Variants in NAV1 observed in about 807,000 individuals in gnomAD.
NAV1 encodes the protein neuron navigator 1.
NAV1 carries 18 observed loss-of-function variants against 175.2 expected under a neutral mutation model. The ratio of observed to expected loss-of-function variants is 0.10; its 90% CI spans 0.07 to 0.15. The LOEUF is 0.15. NAV1 is among the 10% of genes least tolerant of loss of function. The pLI is 1.00. For missense variants in NAV1, 1,731 were observed against 2,436.6 expected, an observed-to-expected ratio of 0.71 and a Z score of 6.10; for synonymous variants, 897 against 978.7, an observed-to-expected ratio of 0.92 and a Z score of 1.56.
At chr1:201,776,335 CAAAAAAAA>C (rs71138352) in intron 3 of NAV1, among the ~76,000 whole-genome samples, 57 of 71,896 alleles carry the variant, frequency 7.9e-4, no homozygotes, top group East Asian at 1.3e-3. Flanking sequence ...CCTGACTCTA[CAAAAAAAA>C]AAAAAAAAAA....
chr1:201,782,236 A>G lies in NAV1; in HGVS notation c.1724A>G (p.Gln575Arg). The G allele has an allele frequency of 6.2e-7, 1 of 1,613,908 alleles. No homozygotes were observed. Reference sequence around the variant, plus strand: ...CTTGCAGTGAAGAATACTGGGCTCCAACGCTCCTCCTCTGATGCTGGTCGG... The same window carrying G: ...CTTGCAGTGAAGAATACTGGGCTCCGACGCTCCTCCTCTGATGCTGGTCGG... Residue 575 changes from glutamine (Q) to arginine (R), a missense_variant, in exon 6 of 30, where the codon CAA (glutamine) becomes CGA (arginine). Gln to Arg is a conservative substitution (Grantham distance 43). Around this residue, in one of 13 missense-constraint regions of NAV1, gnomAD observed 634 missense variants for 766.8 expected, o/e 0.83. Transcript: ENST00000367296. This position sits in a 1 kb window ranked among gnomAD's most constrained non-coding sequence, Gnocchi z 5.4.
chr1:201,811,696 A>T (rs1285069298), exon 25 of NAV1: 1 of 1,613,246 alleles, frequency 6.2e-7, no homozygotes, highest in African/African-American at 1.3e-5. Context: ...GGATGACCTG[A>T]GTGAAGCAGG....
intron 1 of NAV1, among the ~76,000 whole-genome samples, chr1:201,624,075 G>T (rs998802700): frequency 5.9e-5 from 9 of 152,194 alleles, no homozygotes; most frequent in Non-Finnish European, 1.0e-4. Flanking sequence ...TACACTGCTT[G>T]TTGCACTCAT....
At chr1:201,693,888 A>G (rs944126043) in intron 1 of NAV1, among the ~76,000 whole-genome samples, 3 of 152,168 alleles carry the variant, frequency 2.0e-5, no homozygotes, top group Admixed American at 6.5e-5. Context: ...CAGAGACTCA[A>G]GTTTGCATGG....
intron 14 of NAV1, 73 bp from the exon 19 acceptor site, chr1:201,794,393 G>T: frequency 7.3e-7 from 1 of 1,373,996 alleles, no homozygotes; most frequent in African/African-American, 1.4e-5. Flanking sequence ...CGCCCACCTC[G>T]GCCTCCCAAA....
intron 1 of NAV1, among the ~76,000 whole-genome samples, chr1:201,678,210 A>G (rs1430171680): frequency 1.3e-5 from 2 of 152,204 alleles, no homozygotes; most frequent in African/African-American, 4.8e-5. Flanking sequence ...TTATGAACTG[A>G]CTTGGCAGTG....
upstream of NAV1, among the ~76,000 whole-genome samples, chr1:201,645,690 T>TCACAATGAAAATATA (rs1668953501): frequency 6.6e-6 from 1 of 151,548 alleles, no homozygotes; most frequent in African/African-American, 2.4e-5. Flanking sequence ...GTGGAATGTG[T>TCACAATGAAAATATA]CACAGTGAAA....
intron 3 of NAV1, among the ~76,000 whole-genome samples, chr1:201,759,573 G>A (rs1674715665): frequency 6.6e-6 from 1 of 152,288 alleles, no homozygotes; most frequent in East Asian, 1.9e-4. Context: ...TTTCATGCAG[G>A]ACACTGCTGC....
In NAV1 at chr1:201,641,285, CG is replaced by C. The variant is rs1668745722; in HGVS notation, c.5-7348del. Among the ~76,000 whole-genome samples the C allele has an allele frequency of 2.6e-5, 4 of 152,310 alleles. No individual in the cohort carries two copies. In the East Asian group the frequency reaches 7.7e-4, roughly 29 times the overall value. ...CACTTCTCACTACCACCACAGTCACCGCCCAGTTCCAAGCCACCATCATCTC... is the reference window on the plus strand; with the variant it reads ...CACTTCTCACTACCACCACAGTCACCCCCAGTTCCAAGCCACCATCATCTC... On this transcript the variant is annotated intron_variant, in intron 2 of 29. Transcript: ENST00000367302.
intron 1 of NAV1, among the ~76,000 whole-genome samples, chr1:201,665,338 T>C (rs1418300085): frequency 1.3e-5 from 2 of 152,060 alleles, no homozygotes; most frequent in African/African-American, 4.8e-5. Flanking sequence ...TACAATGTGT[T>C]CTCATTGTGC....
upstream of NAV1, among the ~76,000 whole-genome samples, chr1:201,621,859 T>TTAATC (rs796898427): frequency 1.6e-4 from 24 of 152,356 alleles, no homozygotes; most frequent in African/African-American, 5.5e-4. Context: ...CTTTAACTCT[T>TTAATC]TAATCTATCT....
chr1:201,799,282 T>TA (rs1265285719), intron 15 of NAV1, among the ~76,000 whole-genome samples: 3 of 152,160 alleles, frequency 2.0e-5, no homozygotes, highest in African/African-American at 7.2e-5. Context: ...GTGTGTAATG[T>TA]GCTCTTCAAA....
At chr1:201,559,057 G>A (rs1328611629) in intron 1 of NAV1, among the ~76,000 whole-genome samples, 1 of 152,086 alleles carries the variant, frequency 6.6e-6, no homozygotes, top group Non-Finnish European at 1.5e-5. Context: ...CTGTAAAATG[G>A]GAATAATTTT....
At chr1:201,609,177 T>C (rs1283160410) in intron 2 of NAV1, among the ~76,000 whole-genome samples, 2 of 152,220 alleles carry the variant, frequency 1.3e-5, no homozygotes, top group South Asian at 2.1e-4. Context: ...AGCTCAAGTT[T>C]CTGATCCCCC....
chr1:201,662,941 T>A (rs905633232), intron 1 of NAV1, among the ~76,000 whole-genome samples: 1 of 152,276 alleles, frequency 6.6e-6, no homozygotes, highest in East Asian at 1.9e-4. Context: ...GAACCAGCCA[T>A]GTTTCCAGGG....
At chr1:201,550,210 T>C (rs7536501) in intron 1 of NAV1, among the ~76,000 whole-genome samples, 100,762 of 151,832 alleles carry the variant, frequency 0.66, 33,925 homozygotes, top group Middle Eastern at 0.76. Context: ...CTTAACCTGT[T>C]GCCCAGGCTG....
exon 30 of NAV1, chr1:201,821,796 C>T (rs888242778): frequency 4.6e-5 from 7 of 152,146 alleles, no homozygotes; most frequent in Non-Finnish European, 7.3e-5. Flanking sequence ...TACTTCCTGC[C>T]ATTTCTGAAA....
intron 2 of NAV1, among the ~76,000 whole-genome samples, chr1:201,611,243 G>C (rs1033306856): frequency 6.6e-6 from 1 of 152,180 alleles, no homozygotes; most frequent in East Asian, 1.9e-4. Flanking sequence ...CAGCTGAATG[G>C]CCCCCAGCTG....
intron 3 of NAV1, among the ~76,000 whole-genome samples, chr1:201,775,072 G>A (rs1675852461): frequency 6.6e-6 from 1 of 152,172 alleles, no homozygotes. Context: ...AAGAGGACTG[G>A]TTGAAAATTT....
Sources: gnomAD v4.1 joint callset for allele counts (sites outside exome capture counted in the v4.1 genomes callset) on GRCh38, gnomAD v4.1.1 for gene constraint, gnomAD v4.1.1 regional missense constraint, Gnocchi (gnomAD v3.1) non-coding constraint, MANE v1.5 for transcripts, NCBI Gene and HGNC (gene_info 2026-07-23, HGNC 2026-07-21) for gene names.